TENM1: variants seen among roughly 807,000 people sequenced by gnomAD.
TENM1 encodes teneurin-1.
Under a neutral mutation model 174.8 loss-of-function variants are expected in TENM1, and 35 were observed. That is an observed-to-expected ratio of 0.20 (90% CI 0.15 to 0.27). TENM1 has a LOEUF of 0.27. Among genes scored for constraint, TENM1 ranks in the 10% least tolerant of loss-of-function variants. TENM1 has a pLI of 1.00. For synonymous variants in TENM1, 781 were observed against 798.7 expected (o/e 0.98, Z 0.37); for missense variants, 1,633 against 2,130.1 (o/e 0.77, Z 4.59).
At position 124,625,980 on chromosome X, in the gene TENM1, T is replaced by C. The variant is rs552242536; in HGVS notation, c.2077+15811A>G. On this transcript the variant is annotated intron_variant, in intron 11 of 31. Transcript: ENST00000422452. ...TGATTTAACCATTCCACAATGTATA[T>C]ATATGTCAAAATATCATGTTGTATA... 1.2e-4 allele frequency among the ~76,000 whole-genome samples: 13 copies of C among 111,389 alleles called. 1 individual carries two copies. In the South Asian group the frequency reaches 4.6e-3, roughly 40 times the overall value.
At chrX:124,404,975 AC>A (rs2060445913) in intron 27 of TENM1, 55 bp downstream of exon 30, 10 of 1,069,210 alleles carry the variant, frequency 9.4e-6, no homozygotes, top group Non-Finnish European at 1.3e-5. Context: ...AAACAAACAA[AC>A]AAACAAACAA....
intron 24 of TENM1, among the ~76,000 whole-genome samples, chrX:124,421,128 C>T (rs928090752): frequency 3.6e-5 from 4 of 111,580 alleles, no homozygotes; most frequent in Non-Finnish European, 7.5e-5. Context: ...TAATGATAGC[C>T]ACACAAAATT....
At chrX:124,483,250 C>T (rs1324962936) in intron 21 of TENM1, among the ~76,000 whole-genome samples, 1 of 111,584 alleles carries the variant, frequency 9.0e-6, no homozygotes, top group Non-Finnish European at 1.9e-5. Context: ...CCCAGTCTTC[C>T]CTTCTCCAGT....
At chrX:124,580,235 AAAATGTAGTATAT>A (rs2049268753) in intron 11 of TENM1, among the ~76,000 whole-genome samples, 1 of 111,408 alleles carries the variant, frequency 9.0e-6, no homozygotes, top group South Asian at 3.7e-4. Context: ...ATGGATAAAG[AAAATGTAGTATAT>A]ATACAATAAA....
At chrX:124,650,480 A>C (rs751642440) in intron 8 of TENM1, among the ~76,000 whole-genome samples, 1 of 111,451 alleles carries the variant, frequency 9.0e-6, no homozygotes, top group East Asian at 2.8e-4. Context: ...GGAGGAAGTA[A>C]GGGACAGGAA....
intron 27 of TENM1, among the ~76,000 whole-genome samples, chrX:124,398,084 C>T (rs770905714): frequency 2.8e-5 from 3 of 108,564 alleles, no homozygotes; most frequent in Non-Finnish European, 3.8e-5. Context: ...AAAAATTAGC[C>T]GGGCGTGGTG....
intron 21 of TENM1, among the ~76,000 whole-genome samples, chrX:124,485,406 T>G (rs953089127): frequency 9.0e-6 from 1 of 111,271 alleles, no homozygotes; most frequent in African/African-American, 3.3e-5. Context: ...AATAGGGGTT[T>G]GAGTAAAATT....
the TENM1 span, among the ~76,000 whole-genome samples, chrX:125,096,564 C>T: frequency 1.8e-5 from 2 of 111,738 alleles, no homozygotes; most frequent in African/African-American, 6.5e-5. Flanking sequence ...TATTGCTTCT[C>T]AAAGTTATTT....
the TENM1 span, among the ~76,000 whole-genome samples, chrX:125,178,156 G>A: frequency 9.0e-6 from 1 of 111,395 alleles, no homozygotes; most frequent in Non-Finnish European, 1.9e-5. Flanking sequence ...TCTTTTCAAG[G>A]AAGTTTTGGC....
At chrX:124,515,592 C>G (rs2047684430) in intron 18 of TENM1, among the ~76,000 whole-genome samples, 1 of 110,821 alleles carries the variant, frequency 9.0e-6, no homozygotes, top group South Asian at 3.8e-4. Context: ...CTTCCATTCA[C>G]AATATTCACA....
At chrX:124,799,909 G>T (rs2055402361) in intron 3 of TENM1, among the ~76,000 whole-genome samples, 2 of 111,892 alleles carry the variant, frequency 1.8e-5, no homozygotes, top group Non-Finnish European at 3.8e-5. Flanking sequence ...TACATTTGTT[G>T]ATTTACATGT....
chrX:125,157,235 C>A, the TENM1 span, among the ~76,000 whole-genome samples: 1 of 112,180 alleles, frequency 8.9e-6, no homozygotes, highest in Non-Finnish European at 1.9e-5. Context: ...ATCATTTTTA[C>A]TTAATTACGT....
the TENM1 span, among the ~76,000 whole-genome samples, chrX:125,059,472 A>G: frequency 9.0e-6 from 1 of 110,846 alleles, no homozygotes; most frequent in African/African-American, 3.3e-5. Context: ...GCTAAAATCT[A>G]CACAGTTAGC....
chrX:124,756,603 T>C (rs924206793), intron 3 of TENM1, among the ~76,000 whole-genome samples: 1 of 111,300 alleles, frequency 9.0e-6, no homozygotes, highest in Non-Finnish European at 1.9e-5. Flanking sequence ...GTTCTGTTTT[T>C]ACCCCATCTT....
intron 3 of TENM1, among the ~76,000 whole-genome samples, chrX:124,829,602 C>G (rs758320888): frequency 1.1e-4 from 12 of 112,054 alleles, no homozygotes; most frequent in African/African-American, 3.9e-4. Flanking sequence ...ATATTACATT[C>G]TTCAAGCCAC....
chrX:124,846,318 C>T (rs900293833), intron 3 of TENM1, among the ~76,000 whole-genome samples: 4 of 110,050 alleles, frequency 3.6e-5, no homozygotes, highest in African/African-American at 1.3e-4. Context: ...TGAGCTGAAC[C>T]GCAAAAAAAC....
intron 24 of TENM1, 54 bp from the exon 28 acceptor site, chrX:124,420,875 C>T: frequency 1.9e-6 from 2 of 1,081,063 alleles, no homozygotes; most frequent in East Asian, 3.0e-5. Flanking sequence ...TTTACATGAA[C>T]ATACCACAGA....
At chrX:124,553,098 T>C (rs986943644) in intron 14 of TENM1, among the ~76,000 whole-genome samples, 3 of 111,768 alleles carry the variant, frequency 2.7e-5, no homozygotes, top group Non-Finnish European at 3.8e-5. Context: ...ATCTATCCCC[T>C]CAAGCATTTA....
intron 1 of TENM1, among the ~76,000 whole-genome samples, chrX:124,951,753 A>G (rs934322973): frequency 8.5e-5 from 9 of 105,627 alleles, no homozygotes; most frequent in Non-Finnish European, 1.7e-4. Flanking sequence ...GTGCTGTTAT[A>G]CATTTAATAA....
Sources: allele counts gnomAD v4.1 joint callset (sites outside exome capture counted in the v4.1 genomes callset), GRCh38; gene constraint gnomAD v4.1.1; transcripts MANE v1.5; gene names NCBI Gene and HGNC (gene_info 2026-07-23, HGNC 2026-07-21).